The following DNAAF9 variants were observed in gnomAD, a reference collection of about 807,000 sequenced individuals.
DNAAF9 encodes the protein dynein axonemal assembly factor 9, also known as shulin.
Under a neutral mutation model 167.0 loss-of-function variants are expected in DNAAF9, and 90 were observed. That is an observed-to-expected ratio of 0.54 (90% CI 0.45 to 0.64). The LOEUF (loss-of-function observed/expected upper bound fraction) is 0.64, where lower values mean the gene tolerates loss of function less well. Ranked by LOEUF, DNAAF9 falls within the 30% of genes least tolerant of loss-of-function variation. The pLI is 0.00. For missense variants in DNAAF9, 1,315 were observed against 1,442.2 expected, an observed-to-expected ratio of 0.91 and a Z score of 1.43; for synonymous variants, 491 against 508.8, an observed-to-expected ratio of 0.96 and a Z score of 0.47.
chr20:3,354,236 C>T (rs555469476), intron 7 of DNAAF9, among the ~76,000 whole-genome samples: 1 of 152,164 alleles, frequency 6.6e-6, no homozygotes, highest in Non-Finnish European at 1.5e-5. Context: ...TGCTATTCTC[C>T]CAACTTTTCC....
At chr20:3,341,803 A>G (rs918967126) in intron 9 of DNAAF9, among the ~76,000 whole-genome samples, 3 of 152,024 alleles carry the variant, frequency 2.0e-5, no homozygotes, top group Non-Finnish European at 1.5e-5. Context: ...TTTGAGACGG[A>G]GTCTTGCTCT....
At chr20:3,286,876 C>T (rs1163220336) in intron 27 of DNAAF9, among the ~76,000 whole-genome samples, 1 of 152,194 alleles carries the variant, frequency 6.6e-6, no homozygotes, top group African/African-American at 2.4e-5. Context: ...TTTATTACCA[C>T]CAACCATAAC....
intron 1 of DNAAF9, among the ~76,000 whole-genome samples, chr20:3,407,110 CCTCTGTGGGGTT>C (rs2084070233): frequency 6.6e-6 from 1 of 152,076 alleles, no homozygotes; most frequent in South Asian, 2.1e-4. Context: ...CATAGGGAAG[CCTCTGTGGGGTT>C]CTGTGTAGAA....
At chr20:3,287,281 A>G (rs1310217462) in intron 27 of DNAAF9, among the ~76,000 whole-genome samples, 3 of 152,216 alleles carry the variant, frequency 2.0e-5, no homozygotes, top group Non-Finnish European at 4.4e-5. Context: ...CAATTCCACA[A>G]GAGGGAGGAC....
intron 12 of DNAAF9, among the ~76,000 whole-genome samples, chr20:3,329,618 C>G (rs1183636749): frequency 1.3e-5 from 2 of 152,162 alleles, no homozygotes; most frequent in Non-Finnish European, 1.5e-5. Context: ...CCTAGAAATT[C>G]TGATTGTAAT....
At chr20:3,257,699 A>C in intron 33 of DNAAF9, among the ~76,000 whole-genome samples, 1 of 151,036 alleles carries the variant, frequency 6.6e-6, no homozygotes, top group African/African-American at 2.4e-5. Context: ...ATGTGCCACC[A>C]TGCCCGGCTA....
chr20:3,333,888 T>C (rs2069886913), intron 10 of DNAAF9, among the ~76,000 whole-genome samples: 1 of 152,170 alleles, frequency 6.6e-6, no homozygotes, highest in African/African-American at 2.4e-5. Context: ...GAGTCAACAT[T>C]TCTCTCAGGA....
intron 20 of DNAAF9, 101 bp from the exon 21 acceptor site, chr20:3,304,644 C>G: frequency 1.5e-6 from 1 of 668,470 alleles, no homozygotes; most frequent in Non-Finnish European, 2.7e-6. Flanking sequence ...AGGCCAGTAT[C>G]AGTAGCAATT....
At chr20:3,306,659 TG>T (rs1284125123) in intron 20 of DNAAF9, among the ~76,000 whole-genome samples, 1 of 152,112 alleles carries the variant, frequency 6.6e-6, no homozygotes, top group Non-Finnish European at 1.5e-5. Context: ...AGTTCTCTCA[TG>T]TTTTTTTTCT....
Position 3,330,790 on chromosome 20 carries a change from AC to A in DNAAF9, c.1064-109del. ...CCTGGAAGGCATTGTCAAGAACTAC[AC>A]TTTTTTTTTTTTTTTTTTGAGACAC... On this transcript the variant is annotated intron_variant, in intron 11 of 36. Transcript: ENST00000252032. 4 of 431,046 alleles carry A rather than the reference AC, an allele frequency of 9.3e-6. No homozygotes were observed. In the South Asian group the frequency reaches 1.7e-4, roughly 18 times the overall value. 26.7% of individuals were successfully genotyped at this position (431,046 alleles called of 1,614,324 possible).
At chr20:3,300,678 AAATAATAATAAT>A (rs34199778) in intron 21 of DNAAF9, among the ~76,000 whole-genome samples, 2,232 of 134,070 alleles carry the variant, frequency 0.017, 26 homozygotes, top group East Asian at 0.026. Context: ...GACTCCATCT[AAATAATAATAAT>A]AATAATAATA....
chr20:3,348,648 C>T (rs79266162), intron 7 of DNAAF9, 25 bp from the exon 8 acceptor site: 45,550 of 1,456,836 alleles, frequency 0.031, 886 homozygotes, highest in African/African-American at 0.08. Flanking sequence ...AAAAAGATAA[C>T]GTGTTTGGTC....
At chr20:3,336,831 C>T (rs1051007959) in intron 10 of DNAAF9, among the ~76,000 whole-genome samples, 5 of 152,012 alleles carry the variant, frequency 3.3e-5, no homozygotes, top group Non-Finnish European at 5.9e-5. Flanking sequence ...TTGTAAGCCA[C>T]CGCGCCTGGT....
intron 17 of DNAAF9, among the ~76,000 whole-genome samples, chr20:3,317,654 T>C (rs74180387): frequency 3.9e-5 from 6 of 152,118 alleles, no homozygotes; most frequent in African/African-American, 1.2e-4. Flanking sequence ...TGGAGTGCAG[T>C]GGTGCGACCT....
chr20:3,357,240 G>A (rs1282889232), intron 7 of DNAAF9, among the ~76,000 whole-genome samples: 1 of 152,198 alleles, frequency 6.6e-6, no homozygotes, highest in Non-Finnish European at 1.5e-5. Context: ...GGGAGGCCGA[G>A]GTGGGCGGAC....
intron 7 of DNAAF9, among the ~76,000 whole-genome samples, chr20:3,350,842 T>C (rs1297350228): frequency 6.6e-6 from 1 of 152,166 alleles, no homozygotes; most frequent in Non-Finnish European, 1.5e-5. Flanking sequence ...TTACAATGGA[T>C]ATAAACACAT....
intron 35 of DNAAF9, among the ~76,000 whole-genome samples, chr20:3,254,280 T>C (rs2068241255): frequency 6.6e-6 from 1 of 152,142 alleles, no homozygotes; most frequent in Non-Finnish European, 1.5e-5. Context: ...GGTTTCACCA[T>C]ATTGATCAGG....
At position 3,285,971 on chromosome 20, in the gene DNAAF9, C is replaced by T. The variant is rs563147121; in HGVS notation, c.2486+1661G>A. ...CTCCAGCCTGGGCAACAGAGCAAGA[C>T]TCCGTTTCAAAAAAAAAAAAGAAAA... On this transcript the variant is annotated intron_variant, in intron 27 of 36. Coordinates refer to ENST00000252032, the MANE Select transcript of DNAAF9 (RefSeq NM_001009984.3). 1.0e-4 allele frequency among the ~76,000 whole-genome samples: 15 copies of T among 150,292 alleles called. No individual in the cohort carries two copies. In the South Asian group the frequency reaches 2.7e-3, roughly 27 times the overall value.
At chr20:3,363,917 A>G (rs1310011541) in intron 6 of DNAAF9, among the ~76,000 whole-genome samples, 1 of 151,954 alleles carries the variant, frequency 6.6e-6, no homozygotes, top group Non-Finnish European at 1.5e-5. Flanking sequence ...ATTATTATCC[A>G]GTGTATTTCT....
Sources: gnomAD v4.1 joint callset for allele counts (sites outside exome capture counted in the v4.1 genomes callset) on GRCh38, gnomAD v4.1.1 for gene constraint, MANE v1.5 for transcripts, NCBI Gene and HGNC (gene_info 2026-07-23, HGNC 2026-07-21) for gene names.